SRGAP2: variants seen among roughly 807,000 people sequenced by gnomAD.
The protein encoded by SRGAP2 is SLIT-ROBO Rho GTPase-activating protein 2.
Under a neutral mutation model 57.2 loss-of-function variants are expected in SRGAP2, and 15 were observed. That is an observed-to-expected ratio of 0.26 (90% CI 0.18 to 0.40). SRGAP2 has a LOEUF of 0.40. Ranked by LOEUF, SRGAP2 falls within the 10% of genes least tolerant of loss-of-function variation. The pLI is 1.00. For missense variants in SRGAP2, 520 were observed against 669.6 expected (o/e 0.78, Z 2.47); for synonymous variants, 249 against 248.0 (o/e 1.00, Z -0.04).
intron 22 of SRGAP2, 119 bp from the exon 23 acceptor site, chr1:206,460,918 A>G (rs1664211760): frequency 1.8e-6 from 1 of 556,868 alleles, no homozygotes; most frequent in East Asian, 2.8e-5. Flanking sequence ...TAGGCCAAGT[A>G]CAATAATCTG....
rs12135281 is a variant in SRGAP2 at position 206,461,508 on chromosome 1, A to G, written c.*88A>G. ...CCTATTTAACTAGCTTGGGGACTTC[A>G]GTTGAAAATTAGGTTCTAAGTTGTT... On this transcript the variant is annotated 3_prime_UTR_variant, in exon 23 of 23. Coordinates refer to ENST00000573034, the MANE Select transcript of SRGAP2 (RefSeq NM_015326.5). The G allele has an allele frequency of 3.0e-6, 2 of 660,254 alleles. No individual in the cohort carries two copies. Among genetic ancestry groups the G allele is most frequent in the Non-Finnish European group, 5.6e-6 (2 of 360,282 alleles). The allele number at this position is 660,254 out of a possible 1,614,324, so 40.9% of individuals were successfully genotyped here. A position where few individuals can be genotyped will look rare whatever the true frequency, so the allele number is the denominator to read the frequency against.
chr1:206,419,078 C>T (rs2103236577), intron 11 of SRGAP2, among the ~76,000 whole-genome samples: 1 of 152,290 alleles, frequency 6.6e-6, no homozygotes, highest in African/African-American at 2.4e-5. Context: ...TCCACTACCT[C>T]CATCTCTATG....
chr1:206,314,105 G>GGT (rs1266767858), intron 3 of SRGAP2, among the ~76,000 whole-genome samples: 7 of 138,592 alleles, frequency 5.1e-5, no homozygotes, highest in African/African-American at 1.9e-4. Context: ...TGTTTTTTTT[G>GGT]TTTTTTTTTT....
intron 2 of SRGAP2, among the ~76,000 whole-genome samples, chr1:206,237,381 A>T (rs553706926): frequency 2.0e-5 from 3 of 152,248 alleles, no homozygotes; most frequent in Admixed American, 1.3e-4. Flanking sequence ...TTTCAAGTAG[A>T]GTTCAGTTGA....
At chr1:206,433,994 T>G (rs1159727499) in intron 14 of SRGAP2, among the ~76,000 whole-genome samples, 11 of 152,190 alleles carry the variant, frequency 7.2e-5, no homozygotes, top group Admixed American at 3.9e-4. Flanking sequence ...CTAAATTGAT[T>G]TTTCCCAAAT....
intron 2 of SRGAP2, among the ~76,000 whole-genome samples, chr1:206,276,965 CTT>C (rs1297790363): frequency 1.1e-4 from 16 of 140,424 alleles, no homozygotes; most frequent in Non-Finnish European, 1.1e-4. Context: ...ATCTATCACT[CTT>C]TTTTTTTTTT....
chr1:206,347,211 C>T (rs1438216459), intron 4 of SRGAP2, among the ~76,000 whole-genome samples: 2 of 150,292 alleles, frequency 1.3e-5, no homozygotes, highest in Non-Finnish European at 3.0e-5. Flanking sequence ...ATAATCATGC[C>T]ACTGTACTCT....
chr1:206,327,184 G>A (rs527967318), intron 3 of SRGAP2, among the ~76,000 whole-genome samples: 39 of 152,052 alleles, frequency 2.6e-4, no homozygotes, highest in African/African-American at 7.5e-4. Context: ...AAAATTAGCC[G>A]GGCATGGTGG....
rs139735268 is a variant in SRGAP2, at chr1:206,429,831, TAGAG to T, written c.1495-327_1495-324del. 6.5e-3 allele frequency among the ~76,000 whole-genome samples: 988 copies of T among 152,250 alleles called. 13 individuals carry two copies. Among genetic ancestry groups the T allele is most frequent in the African/African-American group, 0.023 (952 of 41,542 alleles). On this transcript the variant is annotated intron_variant, in intron 13 of 22. Transcript: ENST00000573034. ...TGAACTAGGTTGGGGGCAGTTGAGA[TAGAG>T]AGAAGCGAATGGATTTGAGAGATAT... is the stretch of plus-strand genomic sequence containing the variant.
chr1:206,447,420 C>G (rs1027106550), intron 18 of SRGAP2, among the ~76,000 whole-genome samples: 5 of 152,198 alleles, frequency 3.3e-5, no homozygotes, highest in African/African-American at 1.2e-4. Flanking sequence ...AAGAAAGTGG[C>G]ATTTGTGTTC....
chr1:206,261,889 C>A, intron 2 of SRGAP2, among the ~76,000 whole-genome samples: 1 of 149,900 alleles, frequency 6.7e-6, no homozygotes. Flanking sequence ...CCTTCATTCT[C>A]AGTACAAAAC....
intron 13 of SRGAP2, among the ~76,000 whole-genome samples, chr1:206,426,039 GT>G (rs1553366217): frequency 6.6e-6 from 1 of 152,036 alleles, no homozygotes; most frequent in African/African-American, 2.4e-5. Context: ...TAGAGACAAA[GT>G]TTTACCATGT....
At chr1:206,333,182 G>A (rs2102882482) in intron 3 of SRGAP2, 1 of 448,450 alleles carries the variant, frequency 2.2e-6, no homozygotes, top group South Asian at 2.1e-5. Context: ...ATCTCCAGCT[G>A]CGTGCTGGGA....
chr1:206,425,504 C>T (rs1660711613), intron 13 of SRGAP2, among the ~76,000 whole-genome samples: 1 of 152,086 alleles, frequency 6.6e-6, no homozygotes, highest in Admixed American at 6.6e-5. Context: ...TATTTTTATA[C>T]CCATTAACTA....
chr1:206,307,778 G>A (rs1304832886), intron 3 of SRGAP2, among the ~76,000 whole-genome samples: 4 of 152,128 alleles, frequency 2.6e-5, no homozygotes, highest in Non-Finnish European at 5.9e-5. Flanking sequence ...CGCCCACCCG[G>A]AACTCCAGCT....
At chr1:206,239,390 G>A (rs1467848163) in intron 2 of SRGAP2, among the ~76,000 whole-genome samples, 1 of 151,440 alleles carries the variant, frequency 6.6e-6, no homozygotes, top group Non-Finnish European at 1.5e-5. Flanking sequence ...AAGAAGAGCC[G>A]TAGCTAGTAT....
intron 3 of SRGAP2, among the ~76,000 whole-genome samples, chr1:206,341,298 G>T (rs1466496408): frequency 3.3e-5 from 5 of 152,214 alleles, no homozygotes; most frequent in Admixed American, 2.6e-4. Flanking sequence ...TCTGACTGGA[G>T]CAGGGAAGAG....
At chr1:206,373,554 G>A (rs560329498) in intron 4 of SRGAP2, among the ~76,000 whole-genome samples, 1 of 30,946 alleles carries the variant, frequency 3.2e-5, no homozygotes, top group Non-Finnish European at 6.7e-5. Context: ...GGCCAAAATA[G>A]TGAAACTCTG....
chr1:206,431,247 T>G (rs1005886551), intron 14 of SRGAP2, among the ~76,000 whole-genome samples: 3 of 152,230 alleles, frequency 2.0e-5, no homozygotes, highest in Admixed American at 2.0e-4. Context: ...TATATCAGTA[T>G]TGAACAGTCA....
Sources: allele counts gnomAD v4.1 joint callset (sites outside exome capture counted in the v4.1 genomes callset), GRCh38; gene constraint gnomAD v4.1.1; transcripts MANE v1.5; gene names NCBI Gene and HGNC (gene_info 2026-07-23, HGNC 2026-07-21).